KIZ: variants seen among roughly 807,000 people sequenced by gnomAD.
KIZ encodes the protein kizuna centrosomal protein.
Under a neutral mutation model 79.6 loss-of-function variants are expected in KIZ, and 68 were observed. That is an observed-to-expected ratio of 0.85 (90% CI 0.70 to 1.05). The LOEUF (loss-of-function observed/expected upper bound fraction) is 1.05. KIZ is among the 50% of genes least tolerant of loss of function. The probability of loss-of-function intolerance (pLI) is 0.00; values close to 1 mark genes in which losing one functional copy is unlikely to be tolerated. For synonymous variants in KIZ, 280 were observed against 281.8 expected, an observed-to-expected ratio of 0.99 and a Z score of 0.06; for missense variants, 797 against 800.4, an observed-to-expected ratio of 1.00 and a Z score of 0.05.
At chr20:21,222,771 T>C (rs375488541) in intron 9 of KIZ, among the ~76,000 whole-genome samples, 15 of 152,202 alleles carry the variant, frequency 9.9e-5, no homozygotes, top group Non-Finnish European at 1.6e-4. Context: ...TCTGCTCTTC[T>C]TCTTAGAAGA....
intron 7 of KIZ, 119 bp downstream of exon 7, chr20:21,205,703 C>G (rs906655205): frequency 7.5e-6 from 4 of 533,048 alleles, no homozygotes; most frequent in African/African-American, 5.9e-5. Flanking sequence ...TGGCTCACGC[C>G]TGTAATCCCA....
intron 6 of KIZ, among the ~76,000 whole-genome samples, chr20:21,171,371 C>G (rs1452860420): frequency 6.6e-6 from 1 of 152,150 alleles, no homozygotes; most frequent in Non-Finnish European, 1.5e-5. Context: ...TATTTTCGCC[C>G]AATCTATGGT....
chr20:21,216,331 C>G (rs180739789), intron 9 of KIZ, among the ~76,000 whole-genome samples: 1 of 152,132 alleles, frequency 6.6e-6, no homozygotes, highest in South Asian at 2.1e-4. Flanking sequence ...AAAGGTCTGA[C>G]TTTAAATATT....
chr20:21,135,842 CAT>C (rs1241736386), intron 2 of KIZ, among the ~76,000 whole-genome samples: 3 of 151,874 alleles, frequency 2.0e-5, no homozygotes, highest in Admixed American at 2.0e-4. Context: ...AATTATAGTC[CAT>C]ATATTATAAA....
At chr20:21,159,849 A>G (rs894346849) in intron 4 of KIZ, among the ~76,000 whole-genome samples, 3 of 152,168 alleles carry the variant, frequency 2.0e-5, no homozygotes, top group Non-Finnish European at 4.4e-5. Flanking sequence ...GTGTAGTCAT[A>G]TGTTTACACT....
intron 11 of KIZ, among the ~76,000 whole-genome samples, chr20:21,238,357 G>GTGTT (rs1431370955): frequency 1.3e-5 from 2 of 151,376 alleles, no homozygotes; most frequent in Non-Finnish European, 3.0e-5. Context: ...GAGAGAGTGT[G>GTGTT]TGTGTGTGTG....
intron 6 of KIZ, among the ~76,000 whole-genome samples, chr20:21,190,753 A>C (rs1216873001): frequency 6.6e-6 from 1 of 152,226 alleles, no homozygotes; most frequent in Non-Finnish European, 1.5e-5. Flanking sequence ...TTCCTTGGGA[A>C]TTATATGCAA....
At chr20:21,202,587 A>G (rs1423132761) in intron 6 of KIZ, among the ~76,000 whole-genome samples, 1 of 152,224 alleles carries the variant, frequency 6.6e-6, no homozygotes, top group Non-Finnish European at 1.5e-5. Flanking sequence ...CACAAGTAAT[A>G]ACAATTAAGA....
chr20:21,225,758 T>C (rs1228930605), intron 9 of KIZ, among the ~76,000 whole-genome samples: 1 of 152,226 alleles, frequency 6.6e-6, no homozygotes, highest in Non-Finnish European at 1.5e-5. Context: ...TCCATAACTT[T>C]ACACTCTTGC....
chr20:21,149,874 C>A (rs1456024264), intron 4 of KIZ, among the ~76,000 whole-genome samples: 1 of 152,190 alleles, frequency 6.6e-6, no homozygotes, highest in Admixed American at 6.5e-5. Flanking sequence ...AGGTTGGAAT[C>A]CCCTGGGAAG....
At chr20:21,171,789 T>C (rs1214079063) in intron 6 of KIZ, among the ~76,000 whole-genome samples, 1 of 152,232 alleles carries the variant, frequency 6.6e-6, no homozygotes, top group Non-Finnish European at 1.5e-5. Context: ...TAAAAGGCCT[T>C]GCAGTGTCTA....
intron 9 of KIZ, among the ~76,000 whole-genome samples, chr20:21,223,551 A>G (rs1337275051): frequency 6.6e-6 from 1 of 151,930 alleles, no homozygotes. Flanking sequence ...CTGGTTACGG[A>G]CCCAAACTTG....
intron 6 of KIZ, chr20:21,166,118 C>T (rs908697448): frequency 7.3e-5 from 55 of 754,534 alleles, no homozygotes; most frequent in African/African-American, 1.2e-4. Context: ...AGGCATGTGC[C>T]GCCATGCTTG....
chr20:21,160,753 G>A (rs923814661), intron 4 of KIZ: 7 of 152,088 alleles, frequency 4.6e-5, no homozygotes, highest in African/African-American at 1.4e-4. Context: ...AGGACTTTGG[G>A]AAGTGATTAA....
At chr20:21,227,454 A>G (rs1371852205) in intron 9 of KIZ, among the ~76,000 whole-genome samples, 11 of 152,100 alleles carry the variant, frequency 7.2e-5, no homozygotes, top group Admixed American at 7.2e-4. Flanking sequence ...GTTTAATTGA[A>G]TGTAGAAATA....
intron 4 of KIZ, among the ~76,000 whole-genome samples, chr20:21,155,386 A>C (rs1340963685): frequency 1.4e-5 from 2 of 147,552 alleles, no homozygotes; most frequent in Non-Finnish European, 3.0e-5. Flanking sequence ...TAAACCTTGA[A>C]AACATTGTGC....
chr20:21,199,276 A>G (rs1052524201), intron 6 of KIZ, among the ~76,000 whole-genome samples: 2 of 152,224 alleles, frequency 1.3e-5, no homozygotes, highest in African/African-American at 4.8e-5. Context: ...ATTGATCTAC[A>G]GTTATGTGTA....
chr20:21,207,827 C>T (rs1334594261), intron 7 of KIZ, among the ~76,000 whole-genome samples: 1 of 152,114 alleles, frequency 6.6e-6, no homozygotes, highest in Non-Finnish European at 1.5e-5. Context: ...TCTCCTGCCT[C>T]AGCCTCCCAA....
chr20:21,130,999 G>A (rs934376593), intron 1 of KIZ, among the ~76,000 whole-genome samples: 12 of 152,170 alleles, frequency 7.9e-5, no homozygotes, highest in Admixed American at 5.9e-4. Flanking sequence ...TTCTTTGCTT[G>A]GATAGAATAT....
Sources: allele counts gnomAD v4.1 joint callset (sites outside exome capture counted in the v4.1 genomes callset), GRCh38; gene constraint gnomAD v4.1.1; transcripts MANE v1.5; gene names NCBI Gene and HGNC (gene_info 2026-07-23, HGNC 2026-07-21).